PCLO: variants seen among roughly 807,000 people sequenced by gnomAD.
PCLO encodes piccolo presynaptic cytomatrix protein.
In PCLO, 82 loss-of-function variants were observed where a neutral mutation model predicts 427.5. The ratio of observed to expected loss-of-function variants is 0.19; its 90% CI spans 0.16 to 0.23. PCLO has a LOEUF of 0.23. PCLO is among the 10% of genes least tolerant of loss of function. The probability of loss-of-function intolerance (pLI) is 1.00; values close to 1 mark genes in which losing one functional copy is unlikely to be tolerated. For missense variants in PCLO, 6,239 were observed against 6,115.9 expected, an observed-to-expected ratio of 1.02 and a Z score of -0.67; for synonymous variants, 2,357 against 2,155.4, an observed-to-expected ratio of 1.09 and a Z score of -2.59.
At chr7:83,061,790 T>C (rs1401317651) in intron 3 of PCLO, among the ~76,000 whole-genome samples, 1 of 152,176 alleles carries the variant, frequency 6.6e-6, no homozygotes, top group African/African-American at 2.4e-5. Flanking sequence ...AAGCTAAGTA[T>C]AGTTCTGAAT....
chr7:82,868,056 C>T, intron 10 of PCLO: 3 of 452,312 alleles, frequency 6.6e-6, no homozygotes, highest in South Asian at 4.7e-5. Flanking sequence ...GTACCTAACG[C>T]ACCAGCTTTA....
At chr7:82,918,482 A>G (rs980751839) in intron 6 of PCLO, among the ~76,000 whole-genome samples, 4 of 152,048 alleles carry the variant, frequency 2.6e-5, no homozygotes, top group African/African-American at 7.2e-5. Context: ...CACATGTAAC[A>G]TGTTGAATAT....
chr7:82,894,395 A>C (rs1793849727), intron 9 of PCLO: 1 of 155,648 alleles, frequency 6.4e-6, no homozygotes, highest in African/African-American at 2.4e-5. Flanking sequence ...TAATGGACTT[A>C]CAGTTCCACG....
At chr7:83,115,655 A>C (rs976945886) in intron 3 of PCLO, among the ~76,000 whole-genome samples, 1 of 152,040 alleles carries the variant, frequency 6.6e-6, no homozygotes, top group Non-Finnish European at 1.5e-5. Flanking sequence ...AGAGAAGCAA[A>C]ATATATTTAA....
chr7:82,920,346 T>A (rs1474142472), intron 6 of PCLO, among the ~76,000 whole-genome samples: 2 of 151,856 alleles, frequency 1.3e-5, no homozygotes, highest in African/African-American at 4.8e-5. Flanking sequence ...TGTTGTTTAC[T>A]ATGGTTTTCT....
intron 20 of PCLO, among the ~76,000 whole-genome samples, chr7:82,817,427 A>G (rs1791699844): frequency 6.6e-6 from 1 of 152,032 alleles, no homozygotes; most frequent in South Asian, 2.1e-4. Context: ...ATTCCTTCTG[A>G]CCAGAAGTGA....
At chr7:82,873,176 TAAG>T (rs1793279713) in intron 10 of PCLO, among the ~76,000 whole-genome samples, 1 of 113,980 alleles carries the variant, frequency 8.8e-6, no homozygotes, top group African/African-American at 3.5e-5. Flanking sequence ...TATTATTCTG[TAAG>T]TTTTTTTTTT....
intron 22 of PCLO, among the ~76,000 whole-genome samples, chr7:82,767,158 A>C (rs560392841): frequency 6.6e-6 from 1 of 152,258 alleles, no homozygotes; most frequent in Admixed American, 6.6e-5. Context: ...AAAAACCATC[A>C]CACACACAGA....
chr7:82,915,453 T>G lies in PCLO; in HGVS notation c.12533A>C (p.Gln4178Pro). 6.2e-7 allele frequency: 1 copy of G among 1,613,708 alleles called. No individual in the cohort carries two copies. The highest frequency in any genetic ancestry group is 8.5e-7 in the Non-Finnish European group (1 of 1,179,758). Reference sequence around the variant, plus strand: ...TTGATAAAGTATGGCTGCTGGCAGTTGTTTTGCTGCTTGTTTTTCAAGTGT... The same window carrying G: ...TTGATAAAGTATGGCTGCTGGCAGTGGTTTTGCTGCTTGTTTTTCAAGTGT... ...RLTLEKQAAK[Q>P]LPAAILYQKQ... Residue 4178 changes from glutamine to proline, a missense_variant, in exon 7 of 25, where the codon CAA becomes CCA. By Grantham distance (76) the Gln-to-Pro change is moderately conservative. Around this residue, in one of 5 missense-constraint regions of PCLO, gnomAD observed 680 missense variants for 677.3 expected, o/e 1.00. Transcript: ENST00000333891.
intron 2 of PCLO, among the ~76,000 whole-genome samples, chr7:83,137,724 C>A (rs183060999): frequency 6.6e-6 from 1 of 152,170 alleles, no homozygotes; most frequent in Non-Finnish European, 1.5e-5. Context: ...TGAGCCACCA[C>A]GCCCGGCCAT....
rs994836012 is a variant in PCLO, at chr7:82,900,398, T to A, written c.13528+2253A>T. Among the ~76,000 whole-genome samples, 6 of 151,742 alleles carry A rather than the reference T, an allele frequency of 4.0e-5. No individual in the cohort carries two copies. The Admixed American group carries it at 4.0e-4, about 10-fold the overall frequency. The stretch of plus-strand genomic sequence containing the variant: ...GTATTGCCTATACATATATAACACA[T>A]AAATTAAATATATATTTGAATATTT... On this transcript the variant is annotated intron_variant, in intron 9 of 24. Coordinates refer to ENST00000333891, the MANE Select transcript of PCLO (RefSeq NM_033026.6).
chr7:82,935,676 T>C (rs1049510501), intron 6 of PCLO, among the ~76,000 whole-genome samples: 2 of 151,658 alleles, frequency 1.3e-5, no homozygotes, highest in African/African-American at 4.8e-5. Context: ...AAGTGAAACT[T>C]CATTTCACAA....
chr7:82,991,816 T>C (rs1211171989), intron 3 of PCLO, among the ~76,000 whole-genome samples: 1 of 152,134 alleles, frequency 6.6e-6, no homozygotes, highest in African/African-American at 2.4e-5. Flanking sequence ...TATAAAATAT[T>C]CTCAGTACCA....
intron 22 of PCLO, among the ~76,000 whole-genome samples, chr7:82,797,884 A>C (rs780608885): frequency 6.6e-6 from 1 of 152,278 alleles, no homozygotes; most frequent in South Asian, 2.1e-4. Context: ...AAAATGACTA[A>C]GTGGAAAATT....
At chr7:83,068,460 C>T (rs991973598) in intron 3 of PCLO, among the ~76,000 whole-genome samples, 4 of 151,980 alleles carry the variant, frequency 2.6e-5, no homozygotes, top group Non-Finnish European at 4.4e-5. Flanking sequence ...AAAAAATCTA[C>T]TCAGCAAAGG....
At chr7:83,156,815 CAA>C (rs1792314876) in intron 1 of PCLO, among the ~76,000 whole-genome samples, 2 of 151,560 alleles carry the variant, frequency 1.3e-5, no homozygotes, top group South Asian at 2.1e-4. Flanking sequence ...TTCTTTTTAT[CAA>C]AAGTTATGGT....
intron 3 of PCLO, among the ~76,000 whole-genome samples, chr7:83,074,403 A>G (rs1789898845): frequency 6.6e-6 from 1 of 152,094 alleles, no homozygotes. Context: ...GAGGAACATT[A>G]TGATATAAAT....
At chr7:83,057,700 C>T (rs986856035) in intron 3 of PCLO, among the ~76,000 whole-genome samples, 1 of 151,694 alleles carries the variant, frequency 6.6e-6, no homozygotes, top group African/African-American at 2.4e-5. Flanking sequence ...TGATCTTATA[C>T]CTACATCACG....
chr7:82,893,119 C>T (rs960181988), intron 9 of PCLO, among the ~76,000 whole-genome samples: 1 of 152,074 alleles, frequency 6.6e-6, no homozygotes, highest in Non-Finnish European at 1.5e-5. Context: ...AAGACACATG[C>T]ACACGTATGG....
Sources: allele counts gnomAD v4.1 joint callset (sites outside exome capture counted in the v4.1 genomes callset), GRCh38; gene constraint gnomAD v4.1.1; regional missense constraint gnomAD v4.1.1; transcripts MANE v1.5; gene names NCBI Gene and HGNC (gene_info 2026-07-23, HGNC 2026-07-21).